Variants in TAF3 observed in about 807,000 individuals in gnomAD.
TAF3 encodes transcription initiation factor TFIID subunit 3.
TAF3 carries 7 observed loss-of-function variants against 80.6 expected under a neutral mutation model. The ratio of observed to expected loss-of-function variants is 0.09; its 90% CI spans 0.05 to 0.16. TAF3 has a LOEUF of 0.16. TAF3 is among the 10% of genes least tolerant of loss of function. The pLI, the probability that TAF3 is intolerant of heterozygous loss-of-function variation, is 1.00. For missense variants in TAF3, 921 were observed against 1,140.2 expected, an observed-to-expected ratio of 0.81 and a Z score of 2.77; for synonymous variants, 444 against 446.1, an observed-to-expected ratio of 1.00 and a Z score of 0.06.
chr10:7,998,856 A>AG (rs1246732654), intron 4 of TAF3, among the ~76,000 whole-genome samples: 10 of 152,010 alleles, frequency 6.6e-5, no homozygotes, highest in Non-Finnish European at 1.3e-4. Flanking sequence ...AAAAGAAAAA[A>AG]AAAGAAAGAA....
chr10:7,995,864 T>G (rs925485875), intron 4 of TAF3, among the ~76,000 whole-genome samples: 5 of 152,164 alleles, frequency 3.3e-5, no homozygotes, highest in African/African-American at 4.8e-5. Context: ...TCAAGAAGAA[T>G]AAGGAATAAC....
chr10:7,888,285 T>A (rs1837428115), intron 2 of TAF3, among the ~76,000 whole-genome samples: 1 of 152,210 alleles, frequency 6.6e-6, no homozygotes, highest in Non-Finnish European at 1.5e-5. Context: ...TAAGCTTTCC[T>A]CACTCTAACC....
Position 7,818,624 on chromosome 10 carries a change from A to C in TAF3, c.-86A>C. 1 of 1,453,312 alleles carries C rather than the reference A, an allele frequency of 6.9e-7. No individual in the cohort carries two copies. The allele number at this position is 1,453,312 out of a possible 1,614,324, so 90.0% of individuals were successfully genotyped here. A position where few individuals can be genotyped will look rare whatever the true frequency, so the allele number is the denominator to read the frequency against. ...CCTTTCCCCGCCGCGGAAGCCCTAG[A>C]GGATGAATCGGGGACCCTGCTAAGG... On this transcript the variant is annotated 5_prime_UTR_variant, in exon 1 of 7. Transcript: ENST00000344293.
chr10:7,932,852 A>T (rs1173217975), intron 2 of TAF3, among the ~76,000 whole-genome samples: 1 of 151,440 alleles, frequency 6.6e-6, no homozygotes, highest in Non-Finnish European at 1.5e-5. Flanking sequence ...TAATTCTTAA[A>T]TTTTTTTGTG....
At chr10:7,983,405 T>C (rs907142892) in intron 4 of TAF3, among the ~76,000 whole-genome samples, 5 of 152,208 alleles carry the variant, frequency 3.3e-5, no homozygotes, top group Non-Finnish European at 4.4e-5. Context: ...TATAAAAGTG[T>C]CCTGGGGAGG....
At chr10:7,992,240 G>A (rs965576232) in intron 4 of TAF3, among the ~76,000 whole-genome samples, 11 of 152,184 alleles carry the variant, frequency 7.2e-5, no homozygotes, top group Non-Finnish European at 1.3e-4. Flanking sequence ...TGACTCCAGA[G>A]AATTTGGTTT....
intron 1 of TAF3, among the ~76,000 whole-genome samples, chr10:7,822,260 G>A (rs947408826): frequency 3.0e-4 from 45 of 149,978 alleles, no homozygotes; most frequent in African/African-American, 1.1e-3. Flanking sequence ...AAAAAAAAAA[G>A]GTGGCCGAAG....
intron 2 of TAF3, among the ~76,000 whole-genome samples, chr10:7,830,796 T>G (rs578013374): frequency 2.6e-5 from 4 of 152,292 alleles, no homozygotes. Context: ...GTCATTTACC[T>G]TTTAGTTTGT....
chr10:7,842,249 C>T (rs1836926325), intron 2 of TAF3, among the ~76,000 whole-genome samples: 1 of 141,638 alleles, frequency 7.1e-6, no homozygotes, highest in Non-Finnish European at 1.5e-5. Flanking sequence ...TCGTAGTTCA[C>T]TCCAACCTCT....
At chr10:7,877,780 G>A (rs964208789) in intron 2 of TAF3, among the ~76,000 whole-genome samples, 4 of 152,156 alleles carry the variant, frequency 2.6e-5, no homozygotes, top group Admixed American at 2.6e-4. Flanking sequence ...GACATATAGA[G>A]TGAGGTTTCT....
At chr10:8,010,776 G>C (rs568361582) in intron 5 of TAF3, among the ~76,000 whole-genome samples, 12 of 152,306 alleles carry the variant, frequency 7.9e-5, no homozygotes, top group African/African-American at 2.6e-4. Flanking sequence ...TGGGCATGGT[G>C]GCACGTGCCT....
intron 2 of TAF3, among the ~76,000 whole-genome samples, chr10:7,921,978 A>G (rs1325284044): frequency 1.3e-5 from 2 of 152,146 alleles, no homozygotes; most frequent in Admixed American, 6.5e-5. Context: ...ATATAAATGT[A>G]TAATTTTCCA....
chr10:7,850,684 A>AT (rs879744204), intron 2 of TAF3, among the ~76,000 whole-genome samples: 7,034 of 147,294 alleles, frequency 0.048, 294 homozygotes, highest in Admixed American at 0.11. Flanking sequence ...CAAAAAAAAA[A>AT]AAATATATAT....
At chr10:7,993,394 G>A (rs1429874013) in intron 4 of TAF3, among the ~76,000 whole-genome samples, 1 of 152,126 alleles carries the variant, frequency 6.6e-6, no homozygotes, top group East Asian at 1.9e-4. Flanking sequence ...GCCCAGGATG[G>A]TCTCAAACTC....
In TAF3 at chr10:7,873,617, T is replaced by TCCCC. The variant is rs76357762; in HGVS notation, c.409+49066_409+49069dup. On this transcript the variant is annotated intron_variant, in intron 2 of 6. Transcript: ENST00000344293. ...TCCCCAAGGGAAGACATCCGAGTTCTCCCCCCCCCCCCGTCAAAAGGGGGT... is the reference window on the plus strand; with the variant it reads ...TCCCCAAGGGAAGACATCCGAGTTCTCCCCCCCCCCCCCCCCGTCAAAAGGGGGT... Among the ~76,000 whole-genome samples, 142 of 92,754 alleles carry TCCCC rather than the reference T, an allele frequency of 1.5e-3. 8 individuals are homozygous for TCCCC. The highest frequency in any genetic ancestry group is 2.7e-3 in the African/African-American group (58 of 21,460). 60.9% of individuals were successfully genotyped at this position (92,754 alleles called of 152,430 possible). A position where few individuals can be genotyped will look rare whatever the true frequency, so the allele number is the denominator to read the frequency against.
chr10:7,835,683 C>T (rs1014454684), intron 2 of TAF3, among the ~76,000 whole-genome samples: 2 of 152,166 alleles, frequency 1.3e-5, no homozygotes, highest in African/African-American at 2.4e-5. Context: ...CAGCCTCAGC[C>T]GCTCTTCTCG....
chr10:7,981,953 A>G (rs567819685), intron 4 of TAF3, among the ~76,000 whole-genome samples: 2 of 152,184 alleles, frequency 1.3e-5, no homozygotes, highest in African/African-American at 2.4e-5. Context: ...TTTTCCAGTT[A>G]ATGCTTTTTG....
chr10:7,857,350 C>A (rs544794012), intron 2 of TAF3, among the ~76,000 whole-genome samples: 1 of 152,188 alleles, frequency 6.6e-6, no homozygotes, highest in Non-Finnish European at 1.5e-5. Context: ...TAGTTTTATC[C>A]GATTAGCAAG....
intron 2 of TAF3, among the ~76,000 whole-genome samples, chr10:7,893,975 C>T (rs922987447): frequency 1.6e-4 from 24 of 152,144 alleles, no homozygotes; most frequent in Non-Finnish European, 1.9e-4. Flanking sequence ...TTAATGTTTT[C>T]GCCAGCAGAG....
Sources: gnomAD v4.1 joint callset for allele counts (sites outside exome capture counted in the v4.1 genomes callset) on GRCh38, gnomAD v4.1.1 for gene constraint, MANE v1.5 for transcripts, NCBI Gene and HGNC (gene_info 2026-07-23, HGNC 2026-07-21) for gene names.